Variants in SLC26A9 observed in about 807,000 individuals in gnomAD.
SLC26A9 encodes the protein anion transporter/exchanger protein 9.
Under a neutral mutation model 87.1 loss-of-function variants are expected in SLC26A9, and 46 were observed. That is an observed-to-expected ratio of 0.53 (90% CI 0.42 to 0.67). SLC26A9 has a LOEUF of 0.67. SLC26A9 is among the 30% of genes least tolerant of loss of function. The pLI is 0.00. For missense variants in SLC26A9, 927 were observed against 1,018.3 expected (o/e 0.91, Z 1.22); for synonymous variants, 437 against 409.1 (o/e 1.07, Z -0.82).
chr1:205,931,469 T>TTTTTTTTTTTTTTTTTTTTTTTTTTG (rs1659303482), intron 5 of SLC26A9, among the ~76,000 whole-genome samples: 2 of 46,014 alleles, frequency 4.3e-5, no homozygotes, highest in African/African-American at 1.2e-4. Flanking sequence ...AACTTGGTTT[T>TTTTTTTTTTTTTTTTTTTTTTTTTTG]TTTTTTTTTT....
At position 205,917,342 on chromosome 1, in the gene SLC26A9, C is replaced by T. The variant is rs1171697480; in HGVS notation, c.2269G>A (p.Ala757Thr). The part of the protein sequence containing the change: ...GHNFQGAPGD[A>T]ELSLYDSEED... ...TCTGAGTCGTACAAGGAGAGCTCAG[C>T]ATCCCCTGGAGCCTGGAAGGGAGGA... is the stretch of plus-strand genomic sequence containing the variant. Residue 757 changes from alanine to threonine, a missense_variant, in exon 20 of 21, where the codon GCT (alanine) becomes ACT (threonine). By Grantham distance (58) the Ala-to-Thr change is moderately conservative. Coordinates refer to ENST00000367135, the MANE Select transcript of SLC26A9 (RefSeq NM_052934.4). 1 of 1,614,076 alleles carries T rather than the reference C, an allele frequency of 6.2e-7. No individual in the cohort carries two copies. The highest frequency in any genetic ancestry group is 8.5e-7 in the Non-Finnish European group (1 of 1,179,996).
chr1:205,931,516 G>C (rs1659307766), intron 5 of SLC26A9, among the ~76,000 whole-genome samples: 1 of 131,272 alleles, frequency 7.6e-6, no homozygotes, highest in Non-Finnish European at 1.5e-5. Context: ...ACCCAGGCTG[G>C]AGTGCAGTGG....
chr1:205,931,948 G>A lies in SLC26A9; in HGVS notation c.464C>T (p.Thr155Ile). 6.2e-7 allele frequency: 1 copy of A among 1,614,234 alleles called. No individual in the cohort carries two copies. Among genetic ancestry groups the A allele is most frequent in the East Asian group, 2.2e-5 (1 of 44,878 alleles). Residue 155 changes from threonine (T) to isoleucine (I), a missense_variant, in exon 5 of 21, where the codon ACC becomes ATC. By Grantham distance (89) the Thr-to-Ile change is moderately conservative (BLOSUM62 -1). Coordinates refer to ENST00000367135, the MANE Select transcript of SLC26A9 (RefSeq NM_052934.4). ...ESKFQVFNNA[T>I]NESYVDTAAM... is the part of the protein sequence containing the mutation. ...TGCTGTGTCCACATAGCTCTCATTG[G>A]TGGCATTGTTGAAGACCTGGAATTT...
chr1:205,933,144 G>C, intron 2 of SLC26A9, 60 bp from the exon 3 acceptor site: 1 of 1,605,040 alleles, frequency 6.2e-7, no homozygotes, highest in Non-Finnish European at 8.5e-7. Context: ...TTCCGTGTTG[G>C]AGAGGGATTA....
chr1:205,923,102 ACCT>A lies in SLC26A9; in HGVS notation c.1750_1752del (p.Arg584del). The stretch of plus-strand genomic sequence containing the variant: ...TTCACCTTGGTTTTCATGAATAGAG[ACCT>A]CCTCTGTTGTGTGGGCCTCATTCTC... On this transcript the variant is annotated inframe_deletion, in exon 16 of 21. Transcript: ENST00000367135. The A allele has an allele frequency of 1.2e-6, 2 of 1,612,814 alleles. No homozygotes were observed. Among genetic ancestry groups the A allele is most frequent in the Middle Eastern group, 3.3e-4 (2 of 6,058 alleles).
Position 205,927,937 on chromosome 1 carries a change from C to T in SLC26A9, c.1066G>A (p.Ala356Thr). 1 of 1,614,178 alleles carries T rather than the reference C, an allele frequency of 6.2e-7. No homozygotes were observed. Among genetic ancestry groups the T allele is most frequent in the Non-Finnish European group, 8.5e-7 (1 of 1,180,002 alleles). Residue 356 changes from alanine to threonine, a missense_variant, in exon 9 of 21, where the codon GCC (alanine) becomes ACC (threonine). Ala to Thr is a moderately conservative substitution (Grantham distance 58). Transcript: ENST00000367135. ...VINLAMGRTL[A>T]NKHGYDVDSN... Reference sequence around the variant, plus strand: ...TCCACGTCGTAGCCGTGCTTGTTGGCCAGGGTCCGGCCCATAGCCAGGTTG... The same window carrying T: ...TCCACGTCGTAGCCGTGCTTGTTGGTCAGGGTCCGGCCCATAGCCAGGTTG...
Position 205,913,191 on chromosome 1 carries a change from A to C in SLC26A9, c.*2166T>G, listed in dbSNP as rs943449623. The stretch of plus-strand genomic sequence containing the variant: ...ATATTATCACAGGTCAGTATCACTA[A>C]GAACATTCAAAAGCATTGAAATTCT... On this transcript the variant is annotated 3_prime_UTR_variant, in exon 21 of 21. Coordinates refer to ENST00000367135, the MANE Select transcript of SLC26A9 (RefSeq NM_052934.4). 1 of 152,250 alleles carries C rather than the reference A, an allele frequency of 6.6e-6. No homozygotes were observed. Among genetic ancestry groups the C allele is most frequent in the Non-Finnish European group, 1.5e-5 (1 of 68,044 alleles). 9.4% of individuals were successfully genotyped at this position (152,250 alleles called of 1,614,324 possible).
rs1355618860 is a variant in SLC26A9, at chr1:205,932,735, A to T, written c.343T>A (p.Phe115Ile). ...YSSFFPLLTY[F>I]FLGGVHQMVP... ...ATCTGGTGAACACCCCCCAGGAAGA[A>T]GTAGGTCAGGAGGGGGAAGAAGGAG... is the stretch of plus-strand genomic sequence containing the variant. Residue 115 changes from phenylalanine (F) to isoleucine (I), a missense_variant, in exon 4 of 21, where the codon TTC (phenylalanine) becomes ATC (isoleucine). Physicochemically the swap from Phe to Ile is conservative, Grantham distance 21. Coordinates refer to ENST00000367135, the MANE Select transcript of SLC26A9 (RefSeq NM_052934.4). 4 of 1,591,350 alleles carry T rather than the reference A, an allele frequency of 2.5e-6. No homozygotes were observed. The highest frequency in any genetic ancestry group is 1.7e-5 in the Admixed American group (1 of 57,220).
intron 1 of SLC26A9, among the ~76,000 whole-genome samples, chr1:205,938,277 T>C (rs545841855): frequency 3.7e-4 from 56 of 151,882 alleles, no homozygotes; most frequent in Non-Finnish European, 7.1e-4. Flanking sequence ...CTTCCTTCCT[T>C]CCTTCCTTCA....
intron 5 of SLC26A9, among the ~76,000 whole-genome samples, chr1:205,930,660 C>T (rs1008107207): frequency 6.6e-6 from 1 of 152,192 alleles, no homozygotes; most frequent in African/African-American, 2.4e-5. Context: ...CTGGCTCCTG[C>T]CTACTTTTCC....
intron 17 of SLC26A9, 54 bp downstream of exon 17, chr1:205,921,512 G>T: frequency 6.4e-7 from 1 of 1,562,062 alleles, no homozygotes; most frequent in Admixed American, 1.8e-5. Flanking sequence ...GGAATGTGGA[G>T]AGCAGAGCGG....
intron 11 of SLC26A9, 62 bp downstream of exon 11, chr1:205,927,149 C>T: frequency 6.4e-7 from 1 of 1,568,478 alleles, no homozygotes; most frequent in Non-Finnish European, 8.8e-7. Context: ...TGCCACACAA[C>T]TCTCAGGGAT....
chr1:205,933,245 T>A (rs563999797), intron 2 of SLC26A9, among the ~76,000 whole-genome samples, 161 bp from the exon 3 acceptor site: 142 of 152,340 alleles, frequency 9.3e-4, no homozygotes, highest in African/African-American at 3.2e-3. Flanking sequence ...GAACTTTTTC[T>A]TGAGAGCTCA....
chr1:205,935,384 T>C (rs765374659), intron 2 of SLC26A9, among the ~76,000 whole-genome samples: 4 of 152,018 alleles, frequency 2.6e-5, no homozygotes, highest in African/African-American at 4.8e-5. Flanking sequence ...CTCCATAACG[T>C]AGATGCTCAT....
Position 205,914,826 on chromosome 1 carries a change from A to G in SLC26A9, c.*531T>C, listed in dbSNP as rs560467144. On this transcript the variant is annotated 3_prime_UTR_variant, in exon 21 of 21. Coordinates refer to ENST00000367135, the MANE Select transcript of SLC26A9 (RefSeq NM_052934.4). ...TGGAGAGCACATGGTCCCTGGGTGC[A>G]GAGCTGCCAGAGACAGAGTTGAGGC... 9.8e-5 allele frequency: 151 copies of G among 1,547,998 alleles called. 1 individual carries two copies. Among genetic ancestry groups the G allele is most frequent in the Non-Finnish European group, 1.2e-4 (142 of 1,140,346 alleles).
Position 205,940,912 on chromosome 1 carries a change from GC to G in SLC26A9, c.-19+2452del, listed in dbSNP as rs150528916. Among the ~76,000 whole-genome samples the G allele has an allele frequency of 6.9e-3, 1,051 of 152,330 alleles. 5 individuals are homozygous for G. Among genetic ancestry groups the G allele is most frequent in the East Asian group, 0.029 (152 of 5,186 alleles). ...CTGGCATCCTTATCACTGGTTCCTAGCCAGCCGGTTGCTGTGTTCTGGGAAG... is the reference window on the plus strand; with the variant it reads ...CTGGCATCCTTATCACTGGTTCCTAGCAGCCGGTTGCTGTGTTCTGGGAAG... On this transcript the variant is annotated intron_variant, in intron 1 of 20. Coordinates refer to ENST00000367135, the MANE Select transcript of SLC26A9 (RefSeq NM_052934.4).
Position 205,932,033 on chromosome 1 carries a change from T to C in SLC26A9, c.379A>G (p.Thr127Ala), listed in dbSNP as rs1298674062. 6.2e-7 allele frequency: 1 copy of C among 1,614,012 alleles called. No homozygotes were observed. Among genetic ancestry groups the C allele is most frequent in the South Asian group, 1.1e-5 (1 of 91,058 alleles). Reference sequence around the variant, plus strand: ...ACCAGGATGCTGATAACGGCAAAGGTACCTGTGGTGCCCCACCCAGCCAGC... The same window carrying C: ...ACCAGGATGCTGATAACGGCAAAGGCACCTGTGGTGCCCCACCCAGCCAGC... ...LGGVHQMVPG[T>A]FAVISILVGN... The change falls in exon 5 of 21, where the codon ACC (threonine) becomes GCC (alanine). Residue 127 changes from threonine to alanine, a missense_variant and splice_region_variant. Coordinates refer to ENST00000367135, the MANE Select transcript of SLC26A9 (RefSeq NM_052934.4).
At chr1:205,936,834 G>GC (rs2102602173) in intron 1 of SLC26A9, among the ~76,000 whole-genome samples, 1 of 152,292 alleles carries the variant, frequency 6.6e-6, no homozygotes, top group African/African-American at 2.4e-5. Flanking sequence ...GGCTAGAGAT[G>GC]CCCCCAACTT....
Position 205,915,234 on chromosome 1 carries a change from G to A in SLC26A9, c.*123C>T. 3.7e-6 allele frequency: 6 copies of A among 1,601,806 alleles called. No homozygotes were observed. The highest frequency in any genetic ancestry group is 5.1e-6 in the Non-Finnish European group (6 of 1,172,766). ...GGAGGAGAGAGGGGGAGAGGAGAGA[G>A]GAACCCAAGCTCTGGGGGATGCACT... On this transcript the variant is annotated 3_prime_UTR_variant, in exon 21 of 21. Transcript: ENST00000367135.
Sources: gnomAD v4.1 joint callset for allele counts (sites outside exome capture counted in the v4.1 genomes callset) on GRCh38, gnomAD v4.1.1 for gene constraint, MANE v1.5 for transcripts, NCBI Gene and HGNC (gene_info 2026-07-23, HGNC 2026-07-21) for gene names.